The following GALNTL6 variants were observed in gnomAD, a reference collection of about 807,000 sequenced individuals.
The protein encoded by GALNTL6 is polypeptide N-acetylgalactosaminyltransferase like 6.
In GALNTL6, 46 loss-of-function variants were observed where a neutral mutation model predicts 73.7. That is an observed-to-expected ratio of 0.62 (90% confidence interval 0.49 to 0.80). The LOEUF is 0.80. GALNTL6 is among the 30% of genes least tolerant of loss of function. The probability of loss-of-function intolerance (pLI) is 0.00; values close to 1 mark genes in which losing one functional copy is unlikely to be tolerated. For missense variants in GALNTL6, 604 were observed against 755.0 expected (o/e 0.80, Z 2.34); for synonymous variants, 259 against 263.7 (o/e 0.98, Z 0.17).
At chr4:171,824,561 T>G (rs1734774873) in intron 2 of GALNTL6, among the ~76,000 whole-genome samples, 1 of 152,156 alleles carries the variant, frequency 6.6e-6, no homozygotes, top group Non-Finnish European at 1.5e-5. Context: ...TTATTACTTG[T>G]TAGAATTCTA....
chr4:172,114,996 T>A (rs1258148997), intron 2 of GALNTL6, among the ~76,000 whole-genome samples: 1 of 152,160 alleles, frequency 6.6e-6, no homozygotes, highest in East Asian at 1.9e-4. Flanking sequence ...CCCATCAACC[T>A]GTTTGTGAAC....
intron 2 of GALNTL6, among the ~76,000 whole-genome samples, chr4:171,896,729 A>G (rs1047874167): frequency 6.6e-6 from 1 of 152,168 alleles, no homozygotes; most frequent in Non-Finnish European, 1.5e-5. Flanking sequence ...TCCTAATACC[A>G]TGACCTGGGG....
intron 10 of GALNTL6, among the ~76,000 whole-genome samples, chr4:172,964,263 T>G (rs1174010494): frequency 1.3e-5 from 2 of 152,180 alleles, no homozygotes; most frequent in Non-Finnish European, 2.9e-5. Context: ...AATTCATGAA[T>G]TTGCTAAAGT....
At chr4:172,565,757 T>A (rs200909789) in intron 5 of GALNTL6, among the ~76,000 whole-genome samples, 1 of 151,852 alleles carries the variant, frequency 6.6e-6, no homozygotes, top group Non-Finnish European at 1.5e-5. Flanking sequence ...TTGGGAGGTT[T>A]ATGGTTATTG....
intron 3 of GALNTL6, among the ~76,000 whole-genome samples, chr4:172,239,595 T>C (rs116626384): frequency 6.6e-6 from 1 of 152,298 alleles, no homozygotes; most frequent in Non-Finnish European, 1.5e-5. Context: ...TCGGTTCTGC[T>C]CCGATTTTGG....
At chr4:172,304,675 GT>G (rs1012500157) in intron 3 of GALNTL6, among the ~76,000 whole-genome samples, 117 of 151,836 alleles carry the variant, frequency 7.7e-4, no homozygotes, top group African/African-American at 2.6e-3. Flanking sequence ...CACTAGCAGG[GT>G]TTTTTTTCCC....
At chr4:172,051,944 G>A (rs1730885511) in intron 2 of GALNTL6, among the ~76,000 whole-genome samples, 1 of 152,118 alleles carries the variant, frequency 6.6e-6, no homozygotes, top group Admixed American at 6.6e-5. Flanking sequence ...CATTGACAGG[G>A]CTCTGGGGCT....
chr4:172,675,756 A>G (rs1282786666), intron 5 of GALNTL6, among the ~76,000 whole-genome samples: 1 of 152,238 alleles, frequency 6.6e-6, no homozygotes, highest in Non-Finnish European at 1.5e-5. Context: ...TTTTCACTAT[A>G]TACAAGACAC....
intron 7 of GALNTL6, among the ~76,000 whole-genome samples, chr4:172,871,528 C>T (rs1744930412): frequency 6.6e-6 from 1 of 151,248 alleles, no homozygotes; most frequent in African/African-American, 2.4e-5. Flanking sequence ...ATGTTCCAGG[C>T]TTCACATTCA....
intron 3 of GALNTL6, among the ~76,000 whole-genome samples, chr4:172,250,482 T>C (rs2111013121): frequency 6.6e-6 from 1 of 152,178 alleles, no homozygotes; most frequent in Admixed American, 6.5e-5. Flanking sequence ...CATAATGATA[T>C]GGTTTTGCTG....
chr4:172,760,224 G>A (rs996684267), intron 5 of GALNTL6, among the ~76,000 whole-genome samples: 37 of 152,124 alleles, frequency 2.4e-4, no homozygotes, highest in African/African-American at 8.5e-4. Context: ...GGCTGAACCC[G>A]ATTACTTTGG....
At chr4:172,466,765 G>T (rs1305685326) in intron 5 of GALNTL6, among the ~76,000 whole-genome samples, 1 of 152,126 alleles carries the variant, frequency 6.6e-6, no homozygotes, top group Non-Finnish European at 1.5e-5. Context: ...ATTATCTCAG[G>T]TAATTTTCTT....
chr4:172,119,289 T>A (rs1431344866), intron 2 of GALNTL6, among the ~76,000 whole-genome samples: 1 of 152,168 alleles, frequency 6.6e-6, no homozygotes, highest in Non-Finnish European at 1.5e-5. Flanking sequence ...AACATTGCAT[T>A]TCAGATTTAT....
intron 5 of GALNTL6, chr4:172,380,368 G>A: frequency 2.9e-6 from 2 of 687,866 alleles, no homozygotes; most frequent in Non-Finnish European, 5.5e-6. Flanking sequence ...CCCAGGGACT[G>A]GCAATGACCA....
chr4:172,181,970 G>A (rs1000854427), intron 2 of GALNTL6, among the ~76,000 whole-genome samples: 1 of 151,996 alleles, frequency 6.6e-6, no homozygotes, highest in African/African-American at 2.4e-5. Flanking sequence ...GCCTGACTCG[G>A]CCTCCCAAAG....
chr4:173,012,448 A>G (rs1201815698), intron 11 of GALNTL6, among the ~76,000 whole-genome samples: 1 of 152,198 alleles, frequency 6.6e-6, no homozygotes, highest in Non-Finnish European at 1.5e-5. Flanking sequence ...TGTTCAGTCC[A>G]TCAACAGTGC....
intron 2 of GALNTL6, among the ~76,000 whole-genome samples, chr4:172,072,011 A>C (rs1209260706): frequency 6.6e-6 from 1 of 152,050 alleles, no homozygotes; most frequent in Non-Finnish European, 1.5e-5. Context: ...TAGAGATAGC[A>C]CTCTGACTTC....
At chr4:172,324,033 CA>C (rs1199772074) in intron 4 of GALNTL6, among the ~76,000 whole-genome samples, 1 of 151,756 alleles carries the variant, frequency 6.6e-6, no homozygotes, top group African/African-American at 2.4e-5. Context: ...GACTATGAGC[CA>C]TAAAGGAATC....
intron 2 of GALNTL6, among the ~76,000 whole-genome samples, chr4:172,194,569 C>T (rs956912459): frequency 2.0e-5 from 3 of 152,270 alleles, no homozygotes; most frequent in Non-Finnish European, 2.9e-5. Context: ...GCCTATAAAG[C>T]GAAGCCCATC....
Sources: gnomAD v4.1 joint callset for allele counts (sites outside exome capture counted in the v4.1 genomes callset) on GRCh38, gnomAD v4.1.1 for gene constraint, MANE v1.5 for transcripts, NCBI Gene and HGNC (gene_info 2026-07-23, HGNC 2026-07-21) for gene names.